DGKZ: variants seen among roughly 807,000 people sequenced by gnomAD.
DGKZ encodes diacylglycerol kinase zeta.
In DGKZ, 45 loss-of-function variants were observed where a neutral mutation model predicts 142.5. The observed-to-expected ratio is 0.32, with a 90% CI of 0.25 to 0.40. The LOEUF is 0.40. Among genes scored for constraint, DGKZ ranks in the 10% least tolerant of loss-of-function variants. The pLI is 1.00. For missense variants in DGKZ, 755 were observed against 1,306.5 expected, an observed-to-expected ratio of 0.58 and a Z score of 6.51; for synonymous variants, 442 against 527.0, an observed-to-expected ratio of 0.84 and a Z score of 2.21.
rs746456342 is a variant in DGKZ, at chr11:46,365,937, A to G, written c.162-1354A>G. 1.1e-5 allele frequency: 11 copies of G among 985,386 alleles called. 1 individual carries two copies. The South Asian group carries it at 4.2e-4, about 38-fold the overall frequency. 61.0% of individuals were successfully genotyped at this position (985,386 alleles called of 1,614,324 possible). A position where few individuals can be genotyped will look rare whatever the true frequency, so the allele number is the denominator to read the frequency against. On this transcript the variant is annotated intron_variant, in intron 1 of 30. Coordinates refer to ENST00000527911, the Ensembl canonical transcript of DGKZ. Reference sequence around the variant, plus strand: ...GTGCCTGGATGGGGGAAGAAGGGGTAGCCTGAAGCACCCACCTCCCTGGGA... The same window carrying G: ...GTGCCTGGATGGGGGAAGAAGGGGTGGCCTGAAGCACCCACCTCCCTGGGA...
At chr11:46,369,052 AC>A (rs1229830283) in intron 4 of DGKZ, 1 of 237,466 alleles carries the variant, frequency 4.2e-6, no homozygotes, top group African/African-American at 2.3e-5. Flanking sequence ...ACTAAAAATC[AC>A]AAAAATTAGC....
intron 1 of DGKZ, among the ~76,000 whole-genome samples, chr11:46,351,973 A>G (rs1261398233): frequency 6.6e-6 from 1 of 152,170 alleles, no homozygotes; most frequent in African/African-American, 2.4e-5. Context: ...CAGGAGCTTG[A>G]GAGTTGGTGT....
upstream of DGKZ, chr11:46,347,309 C>G: frequency 1.0e-6 from 1 of 985,046 alleles, no homozygotes; most frequent in Non-Finnish European, 1.2e-6. This position sits in a 1 kb window ranked among gnomAD's most constrained non-coding sequence, Gnocchi z 6.4. Context: ...ATTCGTCGCC[C>G]CGCCCCTCGG....
intron 25 of DGKZ, 71 bp from the exon 26 acceptor site, chr11:46,378,127 A>G: frequency 6.4e-7 from 1 of 1,560,904 alleles, no homozygotes; most frequent in Non-Finnish European, 8.7e-7. Context: ...AGATGCCCCC[A>G]GTTGGGGTTG....
chr11:46,379,794 T>C (rs1945017283), intron 30 of DGKZ, 37 bp from the exon 31 acceptor site: 10 of 1,573,348 alleles, frequency 6.4e-6, no homozygotes, highest in Non-Finnish European at 8.6e-6. Flanking sequence ...TAGGCCTGCC[T>C]CTGGCCCCTG....
intron 1 of DGKZ, chr11:46,364,689 T>C: frequency 1.0e-6 from 1 of 985,388 alleles, no homozygotes; most frequent in Non-Finnish European, 1.2e-6. Context: ...ATCAGTGCAG[T>C]GTATGGAAGG....
intron 1 of DGKZ, chr11:46,366,099 C>G: frequency 7.2e-7 from 1 of 1,387,842 alleles, no homozygotes; most frequent in Non-Finnish European, 9.3e-7. Context: ...TCAGGGGTTG[C>G]TTCCCTTCTC....
chr11:46,340,542 G>A (rs1279945835), intron 1 of DGKZ, among the ~76,000 whole-genome samples: 1 of 152,236 alleles, frequency 6.6e-6, no homozygotes, highest in East Asian at 1.9e-4. Context: ...TGGCTGCTGG[G>A]CCGCCAGTGC....
chr11:46,364,694 G>A (rs188452705), intron 1 of DGKZ: 52 of 985,458 alleles, frequency 5.3e-5, no homozygotes, highest in Non-Finnish European at 6.1e-5. Flanking sequence ...TGCAGTGTAT[G>A]GAAGGAGAAG....
chr11:46,376,759 G>C (rs1410656578), intron 24 of DGKZ, 195 bp downstream of exon 24: 9 of 784,936 alleles, frequency 1.1e-5, no homozygotes, highest in Non-Finnish European at 1.8e-5. Context: ...GGCGGTGCCA[G>C]CCAGAAAGGC....
At chr11:46,336,385 T>TA (rs1243164911) in intron 1 of DGKZ, among the ~76,000 whole-genome samples, 2 of 152,058 alleles carry the variant, frequency 1.3e-5, no homozygotes, top group Non-Finnish European at 2.9e-5. Flanking sequence ...TTCAATGGGG[T>TA]ATGTCCTTGT....
At chr11:46,362,295 A>G (rs1942750535) in intron 1 of DGKZ, among the ~76,000 whole-genome samples, 1 of 151,932 alleles carries the variant, frequency 6.6e-6, no homozygotes, top group East Asian at 1.9e-4. Context: ...TGTGAGAGCA[A>G]CTCAGGGGGC....
chr11:46,367,015 G>T lies in DGKZ; in HGVS notation c.162-276G>T. 1.3e-6 allele frequency: 2 copies of T among 1,487,242 alleles called. No homozygotes were observed. Among genetic ancestry groups the T allele is most frequent in the Non-Finnish European group, 1.8e-6 (2 of 1,124,958 alleles). 92.1% of individuals were successfully genotyped at this position (1,487,242 alleles called of 1,614,324 possible). On this transcript the variant is annotated intron_variant, in intron 1 of 30. Coordinates refer to ENST00000527911, the Ensembl canonical transcript of DGKZ. This position sits in a 1 kb window ranked among gnomAD's most constrained non-coding sequence, Gnocchi z 4.1. ...TATAGCTGTGGCCAGCAGGGCGAGT[G>T]GTGTGACCTCCTGTGGGTCTGGCCT...
At chr11:46,354,364 C>A (rs1375279123) in intron 1 of DGKZ, among the ~76,000 whole-genome samples, 1 of 152,108 alleles carries the variant, frequency 6.6e-6, no homozygotes, top group Non-Finnish European at 1.5e-5. Context: ...TTTTTTCTTT[C>A]TTTCTTTCTT....
chr11:46,333,081 G>A (rs969646799), exon 1 of DGKZ: 2 of 414,936 alleles, frequency 4.8e-6, no homozygotes, highest in African/African-American at 2.1e-5. Flanking sequence ...GGAGGACCCC[G>A]GCCCGCCTCT....
At chr11:46,339,221 T>C (rs1940161574) in intron 1 of DGKZ, among the ~76,000 whole-genome samples, 1 of 152,202 alleles carries the variant, frequency 6.6e-6, no homozygotes, top group South Asian at 2.1e-4. Flanking sequence ...TGCGGCTATT[T>C]ACCAGAAGCT....
chr11:46,379,283 CT>C, intron 29 of DGKZ, 47 bp downstream of exon 29: 1 of 1,609,840 alleles, frequency 6.2e-7, no homozygotes. Flanking sequence ...GGAAACCACC[CT>C]TTTCCCCACC....
intron 27 of DGKZ, 27 bp downstream of exon 27, chr11:46,378,527 C>T (rs1944820818): frequency 6.2e-7 from 1 of 1,612,878 alleles, no homozygotes; most frequent in Non-Finnish European, 8.5e-7. Flanking sequence ...CCAGTTCCTT[C>T]CCCCAGCAGC....
At chr11:46,377,495 A>C in intron 25 of DGKZ, 1 of 467,458 alleles carries the variant, frequency 2.1e-6, no homozygotes, top group Non-Finnish European at 3.7e-6. Flanking sequence ...CCCCACCCCT[A>C]CTGCCACCAG....
Sources: gnomAD v4.1 joint callset for allele counts (sites outside exome capture counted in the v4.1 genomes callset) on GRCh38, gnomAD v4.1.1 for gene constraint, Gnocchi (gnomAD v3.1) non-coding constraint, MANE v1.5 for transcripts, NCBI Gene and HGNC (gene_info 2026-07-23, HGNC 2026-07-21) for gene names.